Variants in TENM2 observed in about 807,000 individuals in gnomAD.
TENM2 encodes the protein teneurin transmembrane protein 2.
Under a neutral mutation model 245.2 loss-of-function variants are expected in TENM2, and 52 were observed. The observed-to-expected ratio is 0.21, with a 90% CI of 0.17 to 0.27. The LOEUF (loss-of-function observed/expected upper bound fraction) is 0.27. Ranked by LOEUF, TENM2 falls within the 10% of genes least tolerant of loss-of-function variation. TENM2 has a pLI of 1.00. For missense variants in TENM2, 3,046 were observed against 3,666.8 expected, an observed-to-expected ratio of 0.83 and a Z score of 4.37; for synonymous variants, 1,363 against 1,438.9, an observed-to-expected ratio of 0.95 and a Z score of 1.19.
intron 3 of TENM2, among the ~76,000 whole-genome samples, chr5:167,894,209 A>G (rs937945848): frequency 1.3e-5 from 2 of 152,170 alleles, no homozygotes; most frequent in Admixed American, 6.5e-5. Flanking sequence ...ATGGATGGAT[A>G]GATGATGAAT....
chr5:167,341,994 A>G (rs1187246324), intron 1 of TENM2, among the ~76,000 whole-genome samples: 1 of 152,192 alleles, frequency 6.6e-6, no homozygotes, highest in African/African-American at 2.4e-5. Flanking sequence ...AAAGTTTTAG[A>G]TGTACAGAAT....
In TENM2 at chr5:167,570,535, C is replaced by T. The variant is rs550610149; in HGVS notation, c.502+195062C>T. Reference sequence around the variant, plus strand: ...TTATAGATTAGGGCAGAGTCAAGGTCGTATGTAGAATAATGTCATTCTCCT... The same window carrying T: ...TTATAGATTAGGGCAGAGTCAAGGTTGTATGTAGAATAATGTCATTCTCCT... On this transcript the variant is annotated intron_variant, in intron 2 of 28. Coordinates refer to ENST00000518659, the Ensembl canonical transcript of TENM2. Among the ~76,000 whole-genome samples the T allele has an allele frequency of 3.9e-5, 6 of 152,212 alleles. No homozygotes were observed. The East Asian group carries it at 9.7e-4, about 25-fold the overall frequency.
chr5:168,025,190 TTC>T (rs1240271529), intron 5 of TENM2, among the ~76,000 whole-genome samples: 2 of 152,152 alleles, frequency 1.3e-5, no homozygotes, highest in African/African-American at 4.8e-5. Flanking sequence ...TATTGGGAGG[TTC>T]TGTTTTGCAT....
intron 5 of TENM2, among the ~76,000 whole-genome samples, chr5:168,018,468 A>T: frequency 6.8e-6 from 1 of 148,114 alleles, no homozygotes; most frequent in African/African-American, 2.5e-5. Flanking sequence ...ATTGCATTTC[A>T]CTCTCTTCTT....
At chr5:168,095,745 T>C (rs987689166) in intron 8 of TENM2, among the ~76,000 whole-genome samples, 3 of 152,200 alleles carry the variant, frequency 2.0e-5, no homozygotes, top group Non-Finnish European at 4.4e-5. Context: ...TATGTAAGAA[T>C]GTGACAGATC....
the TENM2 span, among the ~76,000 whole-genome samples, chr5:167,270,019 C>A: frequency 6.6e-6 from 1 of 152,122 alleles, no homozygotes; most frequent in African/African-American, 2.4e-5. Context: ...GTTATCATTT[C>A]TGTGATGAAC....
chr5:168,190,155 C>G (rs1760821337), intron 13 of TENM2, among the ~76,000 whole-genome samples, 182 bp from the exon 16 acceptor site: 2 of 152,136 alleles, frequency 1.3e-5, no homozygotes, highest in South Asian at 4.1e-4. Context: ...TCCTTTCAGT[C>G]TTTTATTTTC....
At position 167,638,122 on chromosome 5, in the gene TENM2, TG is replaced by T. The variant is rs1779333072; in HGVS notation, c.503-237863del. Among the ~76,000 whole-genome samples the T allele has an allele frequency of 8.0e-5, 12 of 150,192 alleles. No homozygotes were observed. In the East Asian group the frequency reaches 1.7e-3, roughly 21 times the overall value. On this transcript the variant is annotated intron_variant, in intron 2 of 28. Coordinates refer to ENST00000518659, the Ensembl canonical transcript of TENM2. Reference sequence around the variant, plus strand: ...GTGTGTGTGTGTGTGTGTGTGTGTGTGTGTGTGTGTGTGTGTGTGTGTCAGG... The same window carrying T: ...GTGTGTGTGTGTGTGTGTGTGTGTGTTGTGTGTGTGTGTGTGTGTGTCAGG...
intron 2 of TENM2, among the ~76,000 whole-genome samples, chr5:167,469,100 C>T (rs765419546): frequency 1.1e-4 from 16 of 152,082 alleles, no homozygotes; most frequent in Non-Finnish European, 1.5e-4. Flanking sequence ...CTGTGGGATA[C>T]GCTACATGGA....
intron 2 of TENM2, among the ~76,000 whole-genome samples, chr5:167,429,232 G>A (rs1561947519): frequency 6.6e-6 from 1 of 152,180 alleles, no homozygotes; most frequent in Non-Finnish European, 1.5e-5. Context: ...AAGTGGTCAT[G>A]ATTTTGCCTC....
intron 2 of TENM2, among the ~76,000 whole-genome samples, chr5:167,572,759 C>T (rs1319494664): frequency 6.6e-6 from 1 of 152,056 alleles, no homozygotes; most frequent in African/African-American, 2.4e-5. Flanking sequence ...TTTTCGACTT[C>T]GTGTCAAAAA....
chr5:167,435,583 A>G (rs1764499480), intron 2 of TENM2, among the ~76,000 whole-genome samples: 2 of 152,198 alleles, frequency 1.3e-5, no homozygotes, highest in African/African-American at 4.8e-5. Context: ...ATGAACTAAT[A>G]CAGAAAATTG....
chr5:167,320,785 A>T (rs566631121), intron 1 of TENM2, among the ~76,000 whole-genome samples: 1 of 152,312 alleles, frequency 6.6e-6, no homozygotes, highest in East Asian at 1.9e-4. Context: ...TGAGCCAATA[A>T]ATTTCTGCTC....
At chr5:167,239,521 C>T in the TENM2 span, among the ~76,000 whole-genome samples, 5 of 152,254 alleles carry the variant, frequency 3.3e-5, no homozygotes, top group Middle Eastern at 3.4e-3. Context: ...TTGAATTATA[C>T]GGTTGCCATA....
intron 8 of TENM2, 76 bp from the exon 11 acceptor site, chr5:168,097,950 G>T: frequency 9.4e-7 from 1 of 1,064,708 alleles, no homozygotes; most frequent in Non-Finnish European, 1.4e-6. Flanking sequence ...CTTTAAAAGT[G>T]GCAAGTTACT....
chr5:167,259,404 T>C, the TENM2 span, among the ~76,000 whole-genome samples: 3,552 of 152,290 alleles, frequency 0.023, 127 homozygotes, highest in African/African-American at 0.08. Flanking sequence ...TGTAATTTCC[T>C]AGTTTGCATA....
chr5:167,435,965 CTTTTTTTTTCTT>C (rs1387776857), intron 2 of TENM2, among the ~76,000 whole-genome samples: 4 of 125,972 alleles, frequency 3.2e-5, no homozygotes, highest in Middle Eastern at 4.3e-3. Context: ...ATTTCTTTTT[CTTTTTTTTTCTT>C]TTTTTTTTTT....
At chr5:167,396,859 G>A (rs1377759729) in intron 2 of TENM2, among the ~76,000 whole-genome samples, 1 of 152,150 alleles carries the variant, frequency 6.6e-6, no homozygotes, top group African/African-American at 2.4e-5. Context: ...TGAATGTCAA[G>A]GGCTAGGGAG....
chr5:168,000,371 C>T (rs1562034598), intron 5 of TENM2, among the ~76,000 whole-genome samples: 1 of 152,190 alleles, frequency 6.6e-6, no homozygotes, highest in Non-Finnish European at 1.5e-5. Context: ...AGACAAGAAG[C>T]AGCTTGATGT....
Sources: gnomAD v4.1 joint callset for allele counts (sites outside exome capture counted in the v4.1 genomes callset) on GRCh38, gnomAD v4.1.1 for gene constraint, MANE v1.5 for transcripts, NCBI Gene and HGNC (gene_info 2026-07-23, HGNC 2026-07-21) for gene names.